Variants in APCDD1L observed in about 807,000 individuals in gnomAD.
APCDD1L encodes APC down-regulated 1 like.
In APCDD1L, 21 loss-of-function variants were observed where a neutral mutation model predicts 24.2. The ratio of observed to expected loss-of-function variants is 0.87; its 90% CI spans 0.61 to 1.25. The LOEUF is 1.25. Among genes scored for constraint, APCDD1L ranks in the 50% most tolerant of loss-of-function variants. The pLI, the probability that APCDD1L is intolerant of heterozygous loss-of-function variation, is 0.00. For missense variants in APCDD1L, 704 were observed against 711.7 expected (o/e 0.99, Z 0.12); for synonymous variants, 321 against 323.6 (o/e 0.99, Z 0.09).
At chr20:58,514,522 C>T (rs1233876575) in intron 1 of APCDD1L, 137 bp downstream of exon 1, 3 of 900,922 alleles carry the variant, frequency 3.3e-6, no homozygotes, top group Non-Finnish European at 4.5e-6. Flanking sequence ...TGGAGAAAGG[C>T]GCGCAGGGCG....
chr20:58,461,892 A>G lies in APCDD1L; in HGVS notation c.742-338T>C. 3.7e-6 allele frequency: 1 copy of G among 273,590 alleles called. No individual in the cohort carries two copies. The highest frequency in any genetic ancestry group is 6.8e-6 in the Non-Finnish European group (1 of 146,542). The allele number at this position is 273,590 out of a possible 1,614,324, so 16.9% of individuals were successfully genotyped here. ...GAATGCCCCATGTAAGGTGGGCCTC[A>G]GGGCTGTCACACCACCCTCTTTTAT... On this transcript the variant is annotated intron_variant, in intron 3 of 3. Transcript: ENST00000371149. This position sits in a 1 kb window ranked among gnomAD's most constrained non-coding sequence, Gnocchi z 6.0.
Position 58,514,914 on chromosome 20 carries a change from AG to A in APCDD1L, c.-208del. ...GTTGTAAGCGGAGCTGCGCACTCAT[AG>A]GTCCAACTTGCCAGAAGAGGTGGAG... On this transcript the variant is annotated 5_prime_UTR_variant, in exon 1 of 4. An upstream open reading frame in the 5' UTR loses its in-frame stop. Transcript: ENST00000371149. The A allele has an allele frequency of 3.0e-6, 1 of 330,822 alleles. No homozygotes were observed. 20.5% of individuals were successfully genotyped at this position (330,822 alleles called of 1,614,324 possible).
At position 58,508,881 on chromosome 20, in the gene APCDD1L, AG is replaced by A. The variant is rs1990572250; in HGVS notation, c.49+5777del. On this transcript the variant is annotated intron_variant, in intron 1 of 3. Transcript: ENST00000371149. This position sits in a 1 kb window ranked among gnomAD's most constrained non-coding sequence, Gnocchi z 4.0. ...TGAGGGGTGCCGTGCAGAAAGGCAG[AG>A]CGGGGTACTGGGAAAGACTGTGTGC... 6.6e-6 allele frequency among the ~76,000 whole-genome samples: 1 copy of A among 151,978 alleles called. No homozygotes were observed. The highest frequency in any genetic ancestry group is 2.4e-5 in the African/African-American group (1 of 41,352).
intron 1 of APCDD1L, among the ~76,000 whole-genome samples, chr20:58,477,608 C>T (rs1466866467): frequency 6.6e-6 from 1 of 152,222 alleles, no homozygotes; most frequent in Non-Finnish European, 1.5e-5. Flanking sequence ...ACTTTTCTCT[C>T]TGTGATTAAT....
rs1990284559 is a variant in APCDD1L, at chr20:58,494,540, A to G, written c.49+20119T>C. Among the ~76,000 whole-genome samples the G allele has an allele frequency of 6.6e-6, 1 of 151,278 alleles. No homozygotes were observed. Among genetic ancestry groups the G allele is most frequent in the African/African-American group, 2.4e-5 (1 of 41,110 alleles). ...TTTTTGGTAGAGATGGGGTCTGGCT[A>G]TGTTGCCCAATCTGGTCTCAAACTC... On this transcript the variant is annotated intron_variant, in intron 1 of 3. Coordinates refer to ENST00000371149, the MANE Select transcript of APCDD1L (RefSeq NM_153360.3). This position sits in a 1 kb window ranked among gnomAD's most constrained non-coding sequence, Gnocchi z 4.8.
Position 58,467,603 on chromosome 20 carries a change from T to G in APCDD1L, c.244A>C (p.Ser82Arg), listed in dbSNP as rs754613379. 3 of 1,552,952 alleles carry G rather than the reference T, an allele frequency of 1.9e-6. No homozygotes were observed. Among genetic ancestry groups the G allele is most frequent in the Non-Finnish European group, 2.6e-6 (3 of 1,146,782 alleles). ...FLTRAYTFYPSRLFRAHQFYY... is the reference protein window; with the variant it reads ...FLTRAYTFYPRRLFRAHQFYY... Reference sequence around the variant, plus strand: ...AACTGGTGGGCTCGAAAGAGCCGGCTGGGGTAGAAGGTGTAGGCGCGGGTC... The same window carrying G: ...AACTGGTGGGCTCGAAAGAGCCGGCGGGGGTAGAAGGTGTAGGCGCGGGTC... Residue 82 changes from serine to arginine, a missense_variant, in exon 3 of 4, where the codon AGC becomes CGC. By Grantham distance (110) the Ser-to-Arg change is moderately radical (BLOSUM62 -1). Coordinates refer to ENST00000371149, the MANE Select transcript of APCDD1L (RefSeq NM_153360.3). The surrounding 1 kb of genome is among the most constrained non-coding windows in gnomAD (Gnocchi z 5.9).
chr20:58,496,840 G>C (rs1018491405), intron 1 of APCDD1L, among the ~76,000 whole-genome samples: 1 of 152,152 alleles, frequency 6.6e-6, no homozygotes, highest in African/African-American at 2.4e-5. Flanking sequence ...ATGCCCCTGA[G>C]GGGGCCAGGC....
rs775842759 is a variant in APCDD1L at position 58,461,426 on chromosome 20, C to T, written c.870G>A (p.Glu290=). The T allele has an allele frequency of 2.0e-6, 3 of 1,528,908 alleles. No individual in the cohort carries two copies. The highest frequency in any genetic ancestry group is 4.6e-5 in the East Asian group (2 of 43,620). The allele number at this position is 1,528,908 out of a possible 1,614,324, so 94.7% of individuals were successfully genotyped here. ...LGGWWVSSGC[E]VRPAVLFLTR... is the part of the protein sequence containing the mutation. ...TGAGGAACAGGACTGCTGGGCGCACCTCGCACCCCGAGCTGACCCACCAGC... is the reference window on the plus strand; with the variant it reads ...TGAGGAACAGGACTGCTGGGCGCACTTCGCACCCCGAGCTGACCCACCAGC... The change falls in exon 4 of 4, where the codon GAG becomes GAA. Residue 290 remains glutamate (E), a synonymous_variant. Transcript: ENST00000371149. This position sits in a 1 kb window ranked among gnomAD's most constrained non-coding sequence, Gnocchi z 6.0.
At chr20:58,479,662 G>T (rs555217095) in intron 1 of APCDD1L, among the ~76,000 whole-genome samples, 1 of 149,778 alleles carries the variant, frequency 6.7e-6, no homozygotes, top group Middle Eastern at 3.2e-3. Flanking sequence ...TCAGCTTGAG[G>T]TAATTCACCT....
At chr20:58,499,573 C>T (rs13043860) in intron 1 of APCDD1L, among the ~76,000 whole-genome samples, 20,248 of 152,250 alleles carry the variant, frequency 0.13, 1,697 homozygotes, top group Non-Finnish European at 0.19. Context: ...GGATTGGGCA[C>T]CAGAACTGCC....
intron 1 of APCDD1L, among the ~76,000 whole-genome samples, chr20:58,501,828 T>C (rs1568752125): frequency 6.6e-6 from 1 of 152,208 alleles, no homozygotes; most frequent in Non-Finnish European, 1.5e-5. Flanking sequence ...GCCCTTAAGC[T>C]TGGCTGTGAC....
Position 58,511,985 on chromosome 20 carries a change from T to C in APCDD1L, c.49+2674A>G, listed in dbSNP as rs527914189. Among the ~76,000 whole-genome samples the C allele has an allele frequency of 1.4e-3, 218 of 152,258 alleles. 1 individual carries two copies. The highest frequency in any genetic ancestry group is 2.7e-3 in the Non-Finnish European group (184 of 68,016). On this transcript the variant is annotated intron_variant, in intron 1 of 3. Coordinates refer to ENST00000371149, the MANE Select transcript of APCDD1L (RefSeq NM_153360.3). Reference sequence around the variant, plus strand: ...CAGCATAAATTGTTGAGTAATGAGATTTTTAAAAGCCAGAAATTGCTGTGG... The same window carrying C: ...CAGCATAAATTGTTGAGTAATGAGACTTTTAAAAGCCAGAAATTGCTGTGG...
Position 58,497,250 on chromosome 20 carries a change from A to C in APCDD1L, c.49+17409T>G, listed in dbSNP as rs544041611. 6.6e-6 allele frequency among the ~76,000 whole-genome samples: 1 copy of C among 152,164 alleles called. No homozygotes were observed. The highest frequency in any genetic ancestry group is 2.1e-4 in the South Asian group (1 of 4,822). ...AGGCTGAGGGGCAGATGCGGGTTTC[A>C]GGGAAGGAAGCTGTAGCACGACTGA... On this transcript the variant is annotated intron_variant, in intron 1 of 3. Transcript: ENST00000371149. This position sits in a 1 kb window ranked among gnomAD's most constrained non-coding sequence, Gnocchi z 4.3.
In APCDD1L at chr20:58,476,684, A is replaced by G. The variant is rs1989916391; in HGVS notation, c.50-5937T>C. ...TAAACAATGGCCAACAACTTCAATG[A>G]TTTCCCAGTGCACTTGGTTCAATAT... On this transcript the variant is annotated intron_variant, in intron 1 of 3. Coordinates refer to ENST00000371149, the MANE Select transcript of APCDD1L (RefSeq NM_153360.3). Among the ~76,000 whole-genome samples the G allele has an allele frequency of 2.0e-5, 3 of 152,226 alleles. No individual in the cohort carries two copies. The South Asian group carries it at 6.2e-4, about 31-fold the overall frequency.
chr20:58,480,722 T>C (rs1990008880), intron 1 of APCDD1L, among the ~76,000 whole-genome samples: 1 of 152,180 alleles, frequency 6.6e-6, no homozygotes, highest in South Asian at 2.1e-4. Flanking sequence ...GCCTGGCTCA[T>C]AAGCTAGGTT....
intron 3 of APCDD1L, among the ~76,000 whole-genome samples, chr20:58,462,375 G>A (rs1182393698): frequency 6.6e-6 from 1 of 152,024 alleles, no homozygotes; most frequent in African/African-American, 2.4e-5. Flanking sequence ...ATGCAGCCTG[G>A]CTTACACCCG....
chr20:58,467,968 T>A lies in APCDD1L; in HGVS notation c.189-310A>T, dbSNP rs142786358. ...ACCCGCTGGCCTGGGAGCTCCGGGA[T>A]GCCCTGCCTGCTTCCTCCCCCGCTG... On this transcript the variant is annotated intron_variant, in intron 2 of 3. Transcript: ENST00000371149. This position sits in a 1 kb window ranked among gnomAD's most constrained non-coding sequence, Gnocchi z 5.9. Among the ~76,000 whole-genome samples the A allele has an allele frequency of 6.6e-6, 1 of 152,234 alleles. No individual in the cohort carries two copies. The highest frequency in any genetic ancestry group is 2.4e-5 in the African/African-American group (1 of 41,540).
chr20:58,460,949 T>C lies in APCDD1L; in HGVS notation c.1347A>G (p.Gln449=), dbSNP rs1446486518. ...DTPEKRPTSY[Q]APLVLCHGEA... is the part of the protein sequence containing the mutation. The stretch of plus-strand genomic sequence containing the variant: ...CCCCATGACAGAGCACCAGGGGTGC[T>C]TGGTAGGAGGTGGGACGTTTCTCTG... The change falls in exon 4 of 4, where the codon CAA becomes CAG. Residue 449 remains glutamine (Q), a synonymous_variant. Transcript: ENST00000371149. The surrounding 1 kb of genome is among the most constrained non-coding windows in gnomAD (Gnocchi z 4.2). 1 of 1,613,974 alleles carries C rather than the reference T, an allele frequency of 6.2e-7. No homozygotes were observed. The highest frequency in any genetic ancestry group is 8.5e-7 in the Non-Finnish European group (1 of 1,179,960).
chr20:58,471,863 A>G lies in APCDD1L; in HGVS notation c.50-1116T>C, dbSNP rs368603217. Among the ~76,000 whole-genome samples the G allele has an allele frequency of 1.9e-3, 287 of 152,270 alleles. 9 individuals are homozygous for G. The South Asian group carries it at 0.031, about 16-fold the overall frequency. On this transcript the variant is annotated intron_variant, in intron 1 of 3. Coordinates refer to ENST00000371149, the MANE Select transcript of APCDD1L (RefSeq NM_153360.3). The stretch of plus-strand genomic sequence containing the variant: ...CTTCCAAGCATGGCTCTTCCCACCC[A>G]GCCTGGGGCTGGAGTGGGTCAGGAG...
Sources: allele counts gnomAD v4.1 joint callset (sites outside exome capture counted in the v4.1 genomes callset), GRCh38; gene constraint gnomAD v4.1.1; non-coding constraint Gnocchi (gnomAD v3.1); transcripts MANE v1.5; gene names NCBI Gene and HGNC (gene_info 2026-07-23, HGNC 2026-07-21).